Variants in PALM2AKAP2 observed in about 807,000 individuals in gnomAD.
The protein encoded by PALM2AKAP2 is PALM2-AKAP2 fusion protein.
Under a neutral mutation model 71.5 loss-of-function variants are expected in PALM2AKAP2, and 37 were observed. The observed-to-expected ratio is 0.52, with a 90% CI of 0.40 to 0.68. The LOEUF (loss-of-function observed/expected upper bound fraction) is 0.68, where lower values mean the gene tolerates loss of function less well. Among genes scored for constraint, PALM2AKAP2 ranks in the 30% least tolerant of loss-of-function variants. The probability of loss-of-function intolerance (pLI) is 0.00; values close to 1 mark genes in which losing one functional copy is unlikely to be tolerated. For missense variants in PALM2AKAP2, 1,224 were observed against 1,191.8 expected (o/e 1.03, Z -0.40); for synonymous variants, 468 against 478.8 (o/e 0.98, Z 0.29).
At chr9:109,916,270 A>G (rs529092189) in intron 3 of PALM2AKAP2, among the ~76,000 whole-genome samples, 1 of 152,336 alleles carries the variant, frequency 6.6e-6, no homozygotes, top group South Asian at 2.1e-4. Context: ...CAGGAACTGG[A>G]GATTGAATGG....
At chr9:109,956,500 T>C (rs1831750395) in intron 6 of PALM2AKAP2, among the ~76,000 whole-genome samples, 1 of 152,184 alleles carries the variant, frequency 6.6e-6, no homozygotes, top group Non-Finnish European at 1.5e-5. Context: ...ATCTGCCAAA[T>C]CAAATTCCAT....
intron 6 of PALM2AKAP2, among the ~76,000 whole-genome samples, chr9:110,006,320 C>CTTTCTTTCTTT (rs1238150373): frequency 1.2e-5 from 1 of 82,600 alleles, no homozygotes; most frequent in African/African-American, 4.5e-5. Flanking sequence ...TTCCTTCCTT[C>CTTTCTTTCTTT]CTTCTCTTTC....
intron 6 of PALM2AKAP2, among the ~76,000 whole-genome samples, chr9:109,953,834 CAAAAAAAAAAAA>C (rs34719180): frequency 2.1e-5 from 1 of 48,628 alleles, no homozygotes; most frequent in South Asian, 7.8e-4. Context: ...GACTCCATCT[CAAAAAAAAAAAA>C]AAAAAAAAAG....
intron 1 of PALM2AKAP2, among the ~76,000 whole-genome samples, chr9:109,659,350 C>G (rs1827355067): frequency 6.6e-6 from 1 of 152,074 alleles, no homozygotes; most frequent in Non-Finnish European, 1.5e-5. Flanking sequence ...CATCCTTCAT[C>G]AAAATCAATT....
At chr9:109,882,648 CT>C (rs1304219109) in intron 3 of PALM2AKAP2, among the ~76,000 whole-genome samples, 11 of 147,770 alleles carry the variant, frequency 7.4e-5, no homozygotes, top group East Asian at 2.0e-4. Context: ...CTTTTTGTTT[CT>C]TTTTTTTTTA....
At chr9:110,070,826 T>C (rs983273635) in intron 1 of PALM2AKAP2, among the ~76,000 whole-genome samples, 1 of 152,182 alleles carries the variant, frequency 6.6e-6, no homozygotes, top group Admixed American at 6.5e-5. Context: ...TCTGTTTTTT[T>C]CGTCTGTAAC....
intron 1 of PALM2AKAP2, among the ~76,000 whole-genome samples, chr9:109,841,435 C>T (rs1240526097): frequency 7.2e-6 from 1 of 139,248 alleles, no homozygotes; most frequent in Non-Finnish European, 1.5e-5. Flanking sequence ...TTAATGGGTG[C>T]AGCACACCAA....
At chr9:110,023,243 T>G (rs145013526) in intron 7 of PALM2AKAP2, among the ~76,000 whole-genome samples, 3 of 151,604 alleles carry the variant, frequency 2.0e-5, no homozygotes, top group East Asian at 1.9e-4. Context: ...AGCACCTGTT[T>G]TTTCCTGACT....
At chr9:109,845,973 AG>A (rs1828842135) in intron 1 of PALM2AKAP2, among the ~76,000 whole-genome samples, 1 of 152,258 alleles carries the variant, frequency 6.6e-6, no homozygotes, top group Admixed American at 6.5e-5. Context: ...AAAACCAGCA[AG>A]ATCTAAAGTA....
intron 6 of PALM2AKAP2, among the ~76,000 whole-genome samples, chr9:109,956,769 T>G (rs1242415432): frequency 6.6e-6 from 1 of 152,176 alleles, no homozygotes; most frequent in Non-Finnish European, 1.5e-5. Flanking sequence ...CTCCATCTCT[T>G]TAATATAATC....
chr9:109,872,207 G>A (rs899688624), intron 2 of PALM2AKAP2, among the ~76,000 whole-genome samples: 6 of 151,924 alleles, frequency 3.9e-5, no homozygotes, highest in South Asian at 2.1e-4. Flanking sequence ...TTGAAAAATT[G>A]TCTTGGCTTT....
chr9:110,065,432 G>T (rs1834058019), intron 1 of PALM2AKAP2, among the ~76,000 whole-genome samples: 1 of 152,132 alleles, frequency 6.6e-6, no homozygotes, highest in African/African-American at 2.4e-5. Flanking sequence ...ACACCATGTT[G>T]TCCAGGCTGG....
intron 1 of PALM2AKAP2, chr9:109,862,837 A>G (rs948959651): frequency 8.2e-6 from 4 of 487,586 alleles, no homozygotes; most frequent in African/African-American, 1.9e-5. Context: ...AGCAGTGCAC[A>G]TCGATTATTG....
intron 6 of PALM2AKAP2, among the ~76,000 whole-genome samples, chr9:109,958,169 A>C (rs1021974389): frequency 3.9e-5 from 6 of 152,026 alleles, no homozygotes; most frequent in African/African-American, 1.4e-4. Flanking sequence ...GCAGAAAAAG[A>C]AACAGATGGA....
chr9:109,662,490 A>G (rs1297256465), intron 1 of PALM2AKAP2, among the ~76,000 whole-genome samples: 2 of 152,180 alleles, frequency 1.3e-5, no homozygotes, highest in Non-Finnish European at 2.9e-5. Flanking sequence ...TGTATATTGA[A>G]CCAGCTTTGC....
At chr9:109,985,511 TC>T (rs1158031232) in intron 6 of PALM2AKAP2, among the ~76,000 whole-genome samples, 2 of 151,188 alleles carry the variant, frequency 1.3e-5, no homozygotes, top group East Asian at 4.0e-4. Flanking sequence ...TCCCAGCTAC[TC>T]GGGAGGCTGA....
At chr9:109,816,208 A>G (rs1434199888) in intron 1 of PALM2AKAP2, among the ~76,000 whole-genome samples, 1 of 152,190 alleles carries the variant, frequency 6.6e-6, no homozygotes, top group Non-Finnish European at 1.5e-5. Flanking sequence ...TGATCTTGGG[A>G]AATGAGACTG....
At chr9:109,664,370 G>T (rs937543621) in intron 1 of PALM2AKAP2, among the ~76,000 whole-genome samples, 9 of 152,268 alleles carry the variant, frequency 5.9e-5, no homozygotes, top group African/African-American at 1.9e-4. Context: ...AGGAGCTCTT[G>T]TAAGGCAGGC....
chr9:109,977,805 A>C (rs1192788005), intron 6 of PALM2AKAP2, among the ~76,000 whole-genome samples: 1 of 152,126 alleles, frequency 6.6e-6, no homozygotes, highest in Non-Finnish European at 1.5e-5. Flanking sequence ...CCTTTCAGGC[A>C]GGCTCCAAAC....
Sources: gnomAD v4.1 joint callset for allele counts (sites outside exome capture counted in the v4.1 genomes callset) on GRCh38, gnomAD v4.1.1 for gene constraint, MANE v1.5 for transcripts, NCBI Gene and HGNC (gene_info 2026-07-23, HGNC 2026-07-21) for gene names.